Variants in RAP1GDS1 observed in about 807,000 individuals in gnomAD.
RAP1GDS1 encodes the protein Rap1 GTPase-GDP dissociation stimulator 1.
A neutral mutation model predicts 71.1 loss-of-function variants in RAP1GDS1; 35 were observed. That is an observed-to-expected ratio of 0.49 (90% CI 0.38 to 0.65). The LOEUF (loss-of-function observed/expected upper bound fraction) is 0.65, where lower values mean the gene tolerates loss of function less well. Ranked by LOEUF, RAP1GDS1 falls within the 30% of genes least tolerant of loss-of-function variation. The pLI is 0.00. For missense variants in RAP1GDS1, 663 were observed against 706.1 expected (o/e 0.94, Z 0.69); for synonymous variants, 229 against 243.1 (o/e 0.94, Z 0.54).
At chr4:98,403,493 G>C (rs1185400624) in intron 6 of RAP1GDS1, among the ~76,000 whole-genome samples, 2 of 152,064 alleles carry the variant, frequency 1.3e-5, no homozygotes, top group Non-Finnish European at 1.5e-5. Flanking sequence ...CCCTGGAGGA[G>C]GAAGATTTCA....
At chr4:98,341,028 G>A (rs1350292612) in intron 2 of RAP1GDS1, among the ~76,000 whole-genome samples, 2 of 151,996 alleles carry the variant, frequency 1.3e-5, no homozygotes, top group South Asian at 2.1e-4. Context: ...TAAAATAAAA[G>A]TTTAAAAAAT....
chr4:98,389,686 T>G (rs1214564257), intron 5 of RAP1GDS1, among the ~76,000 whole-genome samples: 1 of 152,200 alleles, frequency 6.6e-6, no homozygotes, highest in Non-Finnish European at 1.5e-5. Context: ...CTTCAATTTG[T>G]ATGCCAAAGA....
chr4:98,309,213 T>C (rs1729839110), intron 2 of RAP1GDS1, among the ~76,000 whole-genome samples: 1 of 151,984 alleles, frequency 6.6e-6, no homozygotes, highest in Admixed American at 6.6e-5. Context: ...AAAGACTGTT[T>C]TTGTGGCCCT....
At chr4:98,278,105 A>C (rs1404335628) in intron 1 of RAP1GDS1, among the ~76,000 whole-genome samples, 4 of 152,298 alleles carry the variant, frequency 2.6e-5, no homozygotes, top group African/African-American at 9.6e-5. Context: ...AGGCTGAGGC[A>C]TGAGAATCAC....
Position 98,354,362 on chromosome 4 carries a change from C to T in RAP1GDS1, c.361+1761C>T, listed in dbSNP as rs1202440032. ...CAGGCGTGAGCCACCGCGCCCAGCC[C>T]AAAAGTATTCTTTAAACCTTGTTCA... On this transcript the variant is annotated intron_variant, in intron 4 of 14. Transcript: ENST00000408927. Among the ~76,000 whole-genome samples the T allele has an allele frequency of 1.3e-5, 2 of 152,180 alleles. 1 individual carries two copies. Among genetic ancestry groups the T allele is most frequent in the Admixed American group, 1.3e-4 (2 of 15,276 alleles).
At chr4:98,341,369 G>A (rs920507505) in intron 2 of RAP1GDS1, among the ~76,000 whole-genome samples, 4 of 152,196 alleles carry the variant, frequency 2.6e-5, no homozygotes, top group Non-Finnish European at 4.4e-5. Context: ...AAGTGTCATT[G>A]GAGTGCAAGA....
intron 4 of RAP1GDS1, among the ~76,000 whole-genome samples, chr4:98,372,335 G>GT (rs1436287976): frequency 6.6e-6 from 1 of 151,980 alleles, no homozygotes; most frequent in Non-Finnish European, 1.5e-5. Flanking sequence ...GCTAATTTTT[G>GT]TATGTTTTTT....
chr4:98,400,068 G>A (rs899289273), intron 6 of RAP1GDS1, among the ~76,000 whole-genome samples: 2 of 152,036 alleles, frequency 1.3e-5, no homozygotes, highest in South Asian at 2.1e-4. Context: ...TGGGAGGATC[G>A]CTTCAGCACA....
At chr4:98,412,917 G>T (rs981335971) in intron 7 of RAP1GDS1, among the ~76,000 whole-genome samples, 4 of 152,088 alleles carry the variant, frequency 2.6e-5, no homozygotes, top group African/African-American at 9.7e-5. Flanking sequence ...CAAGGCAAGG[G>T]CAAAGCAAAG....
chr4:98,431,461 T>C (rs186904942), intron 12 of RAP1GDS1, among the ~76,000 whole-genome samples: 1 of 152,364 alleles, frequency 6.6e-6, no homozygotes, highest in African/African-American at 2.4e-5. Flanking sequence ...TTAGCATGGA[T>C]AATTTGCCTT....
At chr4:98,348,329 G>A (rs758019062) in intron 3 of RAP1GDS1, among the ~76,000 whole-genome samples, 12 of 152,138 alleles carry the variant, frequency 7.9e-5, no homozygotes, top group Non-Finnish European at 1.3e-4. Flanking sequence ...ATATTCCATG[G>A]TGTATATGTG....
intron 4 of RAP1GDS1, among the ~76,000 whole-genome samples, chr4:98,377,949 G>A (rs950280415): frequency 6.6e-6 from 1 of 151,794 alleles, no homozygotes; most frequent in Non-Finnish European, 1.5e-5. Context: ...CTTGGATTTT[G>A]AAGATATATT....
At chr4:98,380,020 C>T (rs929742727) in intron 5 of RAP1GDS1, among the ~76,000 whole-genome samples, 3 of 148,918 alleles carry the variant, frequency 2.0e-5, no homozygotes, top group African/African-American at 7.5e-5. Context: ...GCCCTTTTGG[C>T]ATACTTTTTA....
intron 12 of RAP1GDS1, among the ~76,000 whole-genome samples, chr4:98,424,366 A>G (rs940047206): frequency 2.6e-5 from 4 of 152,188 alleles, no homozygotes; most frequent in Non-Finnish European, 5.9e-5. Context: ...GGCCACACAT[A>G]AAATGCACTA....
intron 4 of RAP1GDS1, among the ~76,000 whole-genome samples, chr4:98,367,446 C>T (rs1739666334): frequency 6.6e-6 from 1 of 152,136 alleles, no homozygotes; most frequent in Non-Finnish European, 1.5e-5. Flanking sequence ...GCACAGAGTC[C>T]CTACTGGGGC....
At chr4:98,435,224 C>T (rs1750975502) in intron 13 of RAP1GDS1, among the ~76,000 whole-genome samples, 1 of 152,110 alleles carries the variant, frequency 6.6e-6, no homozygotes, top group Non-Finnish European at 1.5e-5. Context: ...GCGAATGGAC[C>T]CTCCAACCCC....
At chr4:98,264,237 A>G (rs1004656458) in intron 1 of RAP1GDS1, among the ~76,000 whole-genome samples, 3 of 152,114 alleles carry the variant, frequency 2.0e-5, no homozygotes, top group Non-Finnish European at 4.4e-5. Context: ...CTAAAAATAC[A>G]AAAAAACAAT....
At chr4:98,334,851 C>A (rs1343344370) in intron 2 of RAP1GDS1, among the ~76,000 whole-genome samples, 1 of 135,330 alleles carries the variant, frequency 7.4e-6, no homozygotes. Flanking sequence ...TTAATCTTGG[C>A]TGGAATTCCA....
chr4:98,334,730 C>A (rs1358960383), intron 2 of RAP1GDS1, among the ~76,000 whole-genome samples: 2 of 152,080 alleles, frequency 1.3e-5, no homozygotes, highest in South Asian at 4.1e-4. Flanking sequence ...AATTGTTAGT[C>A]AGGCAAACCT....
Sources: gnomAD v4.1 joint callset for allele counts (sites outside exome capture counted in the v4.1 genomes callset) on GRCh38, gnomAD v4.1.1 for gene constraint, MANE v1.5 for transcripts, NCBI Gene and HGNC (gene_info 2026-07-23, HGNC 2026-07-21) for gene names.